The following PDE2A variants were observed in gnomAD, a reference collection of about 807,000 sequenced individuals.
The protein encoded by PDE2A is cGMP-dependent 3',5'-cyclic phosphodiesterase.
A neutral mutation model predicts 133.6 loss-of-function variants in PDE2A; 53 were observed. The ratio of observed to expected loss-of-function variants is 0.40; its 90% CI spans 0.32 to 0.50. PDE2A has a LOEUF of 0.50. PDE2A is among the 20% of genes least tolerant of loss of function. The pLI, the probability that PDE2A is intolerant of heterozygous loss-of-function variation, is 0.73. For synonymous variants in PDE2A, 491 were observed against 490.2 expected (o/e 1.00, Z -0.02); for missense variants, 796 against 1,232.4 (o/e 0.65, Z 5.30).
At chr11:72,643,138 G>C (rs998267525) in intron 1 of PDE2A, 2 of 152,310 alleles carry the variant, frequency 1.3e-5, no homozygotes, top group African/African-American at 2.4e-5. Flanking sequence ...CTCCGGGAGC[G>C]CGTTTCTCCG....
Position 72,605,146 on chromosome 11 carries a change from C to T in PDE2A, c.315G>A (p.Gly105=), listed in dbSNP as rs1398110036. Residue 105 remains glycine, a synonymous_variant, in exon 4 of 31, where the codon GGG becomes GGA. Coordinates refer to ENST00000334456, the MANE Select transcript of PDE2A (RefSeq NM_002599.5). ...TGCAGAGAATGGCTCACCGGACTTT[C>T]CCCTCCTGGGGCAGCTCATGTGGGG... ...EDPPHELPQE[G]KVREAIISQK... is the part of the protein sequence containing the mutation. 6.2e-7 allele frequency: 1 copy of T among 1,606,518 alleles called. No homozygotes were observed. Among genetic ancestry groups the T allele is most frequent in the African/African-American group, 1.3e-5 (1 of 74,830 alleles).
At chr11:72,640,193 C>A (rs1052107894) in intron 2 of PDE2A, among the ~76,000 whole-genome samples, 4 of 152,100 alleles carry the variant, frequency 2.6e-5, no homozygotes, top group Non-Finnish European at 5.9e-5. Context: ...GCACCTCACA[C>A]ACCTCTCACC....
Position 72,597,537 on chromosome 11 carries a change from C to T in PDE2A, c.406G>A (p.Val136Met). The change falls in exon 5 of 31, where the codon GTG (valine) becomes ATG (methionine). Residue 136 changes from valine to methionine, a missense_variant. By Grantham distance (21) the Val-to-Met change is conservative. Coordinates refer to ENST00000334456, the MANE Select transcript of PDE2A (RefSeq NM_002599.5). This position sits in a 1 kb window ranked among gnomAD's most constrained non-coding sequence, Gnocchi z 4.6. ...DLPGKPLARLVAPLAPDTQVL... is the reference protein window; with the variant it reads ...DLPGKPLARLMAPLAPDTQVL... Reference sequence around the variant, plus strand: ...TGGGTATCAGGAGCCAGTGGAGCCACCAGCCTGGCCAAGGGCTTCCCTGGC... The same window carrying T: ...TGGGTATCAGGAGCCAGTGGAGCCATCAGCCTGGCCAAGGGCTTCCCTGGC... 2 of 1,609,788 alleles carry T rather than the reference C, an allele frequency of 1.2e-6. No individual in the cohort carries two copies. The highest frequency in any genetic ancestry group is 1.7e-6 in the Non-Finnish European group (2 of 1,179,488).
intron 4 of PDE2A, chr11:72,598,844 C>A (rs191568144): frequency 7.1e-6 from 7 of 985,190 alleles, no homozygotes; most frequent in Non-Finnish European, 8.4e-6. Context: ...CTACAGGAAC[C>A]GGTGGTGTCT....
In PDE2A at chr11:72,605,200, A is replaced by G; in HGVS notation, c.261T>C (p.Asp87=). ...CCTCACACACCAGCTGGGACTCACC[A>G]TCCAGTAGGTAGGTGTAGACAGTTT... ...RVETVYTYLL[D]GESQLVCEDP... Residue 87 remains aspartate, a synonymous_variant, in exon 4 of 31, where the codon GAT becomes GAC. Transcript: ENST00000334456. 6.2e-7 allele frequency: 1 copy of G among 1,610,674 alleles called. No homozygotes were observed. The highest frequency in any genetic ancestry group is 8.5e-7 in the Non-Finnish European group (1 of 1,178,058).
At chr11:72,644,563 G>A (rs1859076427) in intron 1 of PDE2A, among the ~76,000 whole-genome samples, 1 of 152,172 alleles carries the variant, frequency 6.6e-6, no homozygotes, top group Non-Finnish European at 1.5e-5. Flanking sequence ...AGGTGCCCGG[G>A]AGGTATCTGT....
chr11:72,581,227 C>T (rs1855710426), intron 23 of PDE2A, 130 bp downstream of exon 23: 1 of 956,270 alleles, frequency 1.0e-6, no homozygotes, highest in Non-Finnish European at 1.6e-6. Flanking sequence ...GCCTTCCCCT[C>T]TAGTCCCCTG....
In PDE2A at chr11:72,584,573, G is replaced by T. The variant is rs150926492; in HGVS notation, c.1515C>A (p.Phe505Leu). The T allele has an allele frequency of 6.2e-7, 1 of 1,611,862 alleles. No individual in the cohort carries two copies. The highest frequency in any genetic ancestry group is 8.5e-7 in the Non-Finnish European group (1 of 1,179,808). Residue 505 changes from phenylalanine to leucine, a missense_variant, in exon 18 of 31, where the codon TTC becomes TTA. Transcript: ENST00000334456. ...TGFRTRNILC[F>L]PIKNENQEVI... is the part of the protein sequence containing the mutation. ...CACCCTGGTTCTCGTTCTTGATGGG[G>T]AAGCAGAGGATGTTGCGCGTGCGGA...
intron 2 of PDE2A, among the ~76,000 whole-genome samples, chr11:72,610,555 G>A (rs1046652568): frequency 2.0e-5 from 3 of 152,120 alleles, no homozygotes; most frequent in African/African-American, 7.2e-5. Flanking sequence ...CTTCTCCCCA[G>A]ATGCTTACTC....
rs1855622706 is a variant in PDE2A at position 72,579,558 on chromosome 11, G to A, written c.2232C>T (p.Asn744=). The change falls in exon 26 of 31, where the codon AAC becomes AAT. Residue 744 remains asparagine, a synonymous_variant. Transcript: ENST00000334456. The stretch of plus-strand genomic sequence containing the variant: ...CCTTCCGGGAGAAATGATCAAAGAT[G>A]TTGCAGCCGTGGGTGTTGAGGATGG... The part of the protein sequence containing the change: ...AIAILNTHGC[N]IFDHFSRKDY... 6.5e-7 allele frequency: 1 copy of A among 1,537,374 alleles called. No homozygotes were observed. The highest frequency in any genetic ancestry group is 1.4e-5 in the African/African-American group (1 of 71,802).
intron 13 of PDE2A, among the ~76,000 whole-genome samples, chr11:72,587,184 C>T (rs1303376694): frequency 6.6e-6 from 1 of 152,186 alleles, no homozygotes; most frequent in Non-Finnish European, 1.5e-5. Flanking sequence ...GAAATGGGGC[C>T]ATGACTATAT....
intron 22 of PDE2A, 140 bp from the exon 23 acceptor site, chr11:72,581,619 T>C: frequency 9.8e-7 from 1 of 1,021,332 alleles, no homozygotes; most frequent in African/African-American, 1.6e-5. Context: ...AGCAGGAAGT[T>C]CCTATGCACA....
chr11:72,596,617 A>G lies in PDE2A; in HGVS notation c.465T>C (p.Ala155=). Residue 155 remains alanine, a synonymous_variant, in exon 6 of 31, where the codon GCT becomes GCC. Coordinates refer to ENST00000334456, the MANE Select transcript of PDE2A (RefSeq NM_002599.5). ...CCAAGATGACAGCTGCCACGGCCCC[A>G]GCCTCCTTGTCCGCTAGCGGCATGA... is the stretch of plus-strand genomic sequence containing the variant. The part of the protein sequence containing the change: ...VLVMPLADKE[A]GAVAAVILVH... 1 of 1,514,582 alleles carries G rather than the reference A, an allele frequency of 6.6e-7. No homozygotes were observed. The highest frequency in any genetic ancestry group is 2.0e-5 in the Admixed American group (1 of 50,912). 93.8% of individuals were successfully genotyped at this position (1,514,582 alleles called of 1,614,324 possible).
At chr11:72,645,847 T>A (rs1266205291) in intron 1 of PDE2A, among the ~76,000 whole-genome samples, 1 of 152,170 alleles carries the variant, frequency 6.6e-6, no homozygotes, top group Non-Finnish European at 1.5e-5. Context: ...TAGGGTGGGA[T>A]CTATTATTAG....
At chr11:72,618,533 C>T (rs908354972) in intron 2 of PDE2A, among the ~76,000 whole-genome samples, 9 of 152,224 alleles carry the variant, frequency 5.9e-5, no homozygotes, top group Non-Finnish European at 8.8e-5. Flanking sequence ...AGAGAGTTGG[C>T]GGAGACATGG....
At chr11:72,637,951 A>G (rs1268151280) in intron 2 of PDE2A, among the ~76,000 whole-genome samples, 1 of 152,166 alleles carries the variant, frequency 6.6e-6, no homozygotes, top group Non-Finnish European at 1.5e-5. Flanking sequence ...GAATGAAGAT[A>G]ACATCAGCAC....
At chr11:72,579,506 A>AAACCCCCCCCCCC in intron 26 of PDE2A, 28 bp downstream of exon 26, 1 of 1,555,604 alleles carries the variant, frequency 6.4e-7, no homozygotes, top group Middle Eastern at 1.8e-4. Flanking sequence ...CTCCCCCTCA[A>AAACCCCCCCCCCC]TCCCCACCCC....
rs761683208 is a variant in PDE2A at position 72,578,384 on chromosome 11, C to T, written c.2509-45G>A. The T allele has an allele frequency of 1.4e-5, 22 of 1,576,474 alleles. No individual in the cohort carries two copies. Among genetic ancestry groups the T allele is most frequent in the East Asian group, 2.2e-5 (1 of 44,718 alleles). On this transcript the variant is annotated intron_variant, in intron 29 of 30. Coordinates refer to ENST00000334456, the MANE Select transcript of PDE2A (RefSeq NM_002599.5). This position sits in a 1 kb window ranked among gnomAD's most constrained non-coding sequence, Gnocchi z 4.2. ...AGGCCTGTCCCTCTCATTCCTCCAT[C>T]GGGTACCAGGGTCAGGCTAGTTCAA...
rs767629407 is a variant in PDE2A, at chr11:72,579,394, G to A, written c.2257-11C>T. 6.2e-7 allele frequency: 1 copy of A among 1,609,924 alleles called. No individual in the cohort carries two copies. The highest frequency in any genetic ancestry group is 8.5e-7 in the Non-Finnish European group (1 of 1,176,844). ...CATGCGCTGATAGTCCTGAGGCGAG[G>A]GCAGGGGTGTCATGCCCTCCTACTG... On this transcript the variant is annotated splice_polypyrimidine_tract_variant and intron_variant, in intron 26 of 30. Coordinates refer to ENST00000334456, the MANE Select transcript of PDE2A (RefSeq NM_002599.5).
Sources: allele counts gnomAD v4.1 joint callset (sites outside exome capture counted in the v4.1 genomes callset), GRCh38; gene constraint gnomAD v4.1.1; non-coding constraint Gnocchi (gnomAD v3.1); transcripts MANE v1.5; gene names NCBI Gene and HGNC (gene_info 2026-07-23, HGNC 2026-07-21).